The following PCDHGB3 variants were observed in gnomAD, a reference collection of about 807,000 sequenced individuals.
The protein encoded by PCDHGB3 is protocadherin gamma subfamily B, 3, also known as protocadherin gamma-B3.
PCDHGB3 carries 40 observed loss-of-function variants against 59.2 expected under a neutral mutation model. The ratio of observed to expected loss-of-function variants is 0.68; its 90% CI spans 0.52 to 0.88. The LOEUF (loss-of-function observed/expected upper bound fraction) is 0.88. Ranked by LOEUF, PCDHGB3 falls within the 40% of genes least tolerant of loss-of-function variation. The pLI is 0.00. For synonymous variants in PCDHGB3, 581 were observed against 503.6 expected (o/e 1.15, Z -2.06); for missense variants, 1,309 against 1,187.9 (o/e 1.10, Z -1.50).
chr5:141,400,709 G>A (rs1361669405), intron 1 of PCDHGB3: 1 of 696,272 alleles, frequency 1.4e-6, no homozygotes, highest in East Asian at 2.7e-5. Flanking sequence ...AAAAGAAGTA[G>A]CCTTATAGAT....
intron 1 of PCDHGB3, chr5:141,424,664 A>G (rs923488035): frequency 1.3e-5 from 2 of 152,124 alleles, no homozygotes; most frequent in African/African-American, 4.8e-5. Context: ...CTTTAATTAA[A>G]CTGATTTAGC....
In PCDHGB3 at chr5:141,370,291, A is replaced by C. The variant is rs1766798910; in HGVS notation, c.-104A>C. 8 of 1,049,850 alleles carry C rather than the reference A, an allele frequency of 7.6e-6. No homozygotes were observed. The highest frequency in any genetic ancestry group is 2.8e-5 in the Admixed American group (1 of 35,634). The allele number at this position is 1,049,850 out of a possible 1,614,324, so 65.0% of individuals were successfully genotyped here. On this transcript the variant is annotated 5_prime_UTR_variant, in exon 1 of 4. Transcript: ENST00000576222. ...GCGGAGACACCCATTAGAGAACCCA[A>C]GCACAAAGACAAAGCAAATAGTTGG...
In PCDHGB3 at chr5:141,431,932, C is replaced by A; in HGVS notation, c.2415+59123C>A. 1 of 1,614,172 alleles carries A rather than the reference C, an allele frequency of 6.2e-7. No homozygotes were observed. Among genetic ancestry groups the A allele is most frequent in the Non-Finnish European group, 8.5e-7 (1 of 1,180,002 alleles). The stretch of plus-strand genomic sequence containing the variant: ...TCTGTTTCATCCAAGGAAATCTGCC[C>A]TTTAAATTAGAAAAATCTTACGGAA... On this transcript the variant is annotated intron_variant, in intron 1 of 3. Transcript: ENST00000576222. The surrounding 1 kb of genome is among the most constrained non-coding windows in gnomAD (Gnocchi z 4.8).
rs373446844 is a variant in PCDHGB3, at chr5:141,486,661, G to A, written c.2416-8146G>A. The A allele has an allele frequency of 3.1e-6, 5 of 1,613,836 alleles. No individual in the cohort carries two copies. In the African/African-American group the frequency reaches 4.0e-5, roughly 13 times the overall value. On this transcript the variant is annotated intron_variant, in intron 1 of 3. Transcript: ENST00000576222. The surrounding 1 kb of genome is among the most constrained non-coding windows in gnomAD (Gnocchi z 5.0). The stretch of plus-strand genomic sequence containing the variant: ...CGCTTATCTCCTACTCACTCCTGGA[G>A]CCCAGGAATCGAGATGTATCAGCTT...
chr5:141,388,336 G>C, intron 1 of PCDHGB3: 2 of 1,613,966 alleles, frequency 1.2e-6, no homozygotes, highest in South Asian at 1.1e-5. Context: ...CCTGGCACAC[G>C]ATTTATATTA....
intron 1 of PCDHGB3, chr5:141,441,209 G>A (rs1276958461): frequency 1.3e-5 from 2 of 152,158 alleles, no homozygotes; most frequent in East Asian, 3.9e-4. Flanking sequence ...TCTGCACCTT[G>A]GACAGTAATC....
rs747064148 is a variant in PCDHGB3, at chr5:141,395,059, T to C, written c.2415+22250T>C. 1 of 1,614,180 alleles carries C rather than the reference T, an allele frequency of 6.2e-7. No individual in the cohort carries two copies. The stretch of plus-strand genomic sequence containing the variant: ...GTGGGTGTTGAGGAGGTACAGGCTT[T>C]CCTGCAGACCTATTCCCAGGAAGTC... On this transcript the variant is annotated intron_variant, in intron 1 of 3. Transcript: ENST00000576222.
intron 1 of PCDHGB3, chr5:141,384,872 T>C (rs773444317): frequency 1.9e-6 from 3 of 1,613,766 alleles, no homozygotes; most frequent in Non-Finnish European, 1.7e-6. Flanking sequence ...TCAGCCACCG[T>C]CACACTCACC....
At chr5:141,408,885 T>G in intron 1 of PCDHGB3, 1 of 1,613,020 alleles carries the variant, frequency 6.2e-7, no homozygotes, top group Middle Eastern at 1.6e-4. Context: ...ACCGCTCACA[T>G]AGAAATTTCT....
intron 1 of PCDHGB3, chr5:141,400,209 G>C: frequency 3.1e-6 from 5 of 1,614,052 alleles, no homozygotes; most frequent in Non-Finnish European, 4.2e-6. Context: ...CCTTGGCCTT[G>C]ATCTCAGTGC....
intron 1 of PCDHGB3, chr5:141,389,596 C>A: frequency 6.2e-7 from 1 of 1,613,132 alleles, no homozygotes; most frequent in Non-Finnish European, 8.5e-7. Context: ...GACGGCTCTG[C>A]GCTCTTCGAT....
intron 1 of PCDHGB3, among the ~76,000 whole-genome samples, chr5:141,438,623 TATATATATATATACACACAC>T (rs1272037524): frequency 7.0e-5 from 3 of 42,840 alleles, no homozygotes; most frequent in African/African-American, 1.6e-4. Flanking sequence ...TATATATATA[TATATATATATATACACACAC>T]ACACACACAT....
intron 1 of PCDHGB3, among the ~76,000 whole-genome samples, chr5:141,449,978 T>A (rs1025332419): frequency 6.6e-6 from 1 of 151,030 alleles, no homozygotes; most frequent in Non-Finnish European, 1.5e-5. Context: ...GTCCAAAATA[T>A]CACACATTGC....
chr5:141,458,408 C>T (rs895785923), intron 1 of PCDHGB3, among the ~76,000 whole-genome samples: 3 of 151,932 alleles, frequency 2.0e-5, no homozygotes, highest in Non-Finnish European at 2.9e-5. Context: ...AGAGACGGAG[C>T]GGGGGTTCCA....
intron 1 of PCDHGB3, chr5:141,407,930 C>G: frequency 2.0e-6 from 1 of 498,998 alleles, no homozygotes. Context: ...CGCACGGAGC[C>G]TCTGGGCGCC....
chr5:141,387,777 C>G, intron 1 of PCDHGB3: 1 of 1,453,750 alleles, frequency 6.9e-7, no homozygotes, highest in Non-Finnish European at 9.2e-7. Context: ...TTTTCTTGAA[C>G]TGGAACTGCA....
At chr5:141,480,726 G>A (rs2099524533) in intron 1 of PCDHGB3, among the ~76,000 whole-genome samples, 1 of 152,138 alleles carries the variant, frequency 6.6e-6, no homozygotes, top group Non-Finnish European at 1.5e-5. Context: ...CACAGTCTCT[G>A]GGGGTGGGAC....
chr5:141,484,907 C>T, intron 1 of PCDHGB3: 1 of 409,994 alleles, frequency 2.4e-6, no homozygotes, highest in Non-Finnish European at 4.3e-6. Context: ...AATGCTGCGA[C>T]GCATTAACCC....
chr5:141,375,522 A>C, intron 1 of PCDHGB3: 1 of 1,614,010 alleles, frequency 6.2e-7, no homozygotes, highest in Non-Finnish European at 8.5e-7. Flanking sequence ...CTGGACCCTG[A>C]CGTGGACCAG....
Sources: gnomAD v4.1 joint callset for allele counts (sites outside exome capture counted in the v4.1 genomes callset) on GRCh38, gnomAD v4.1.1 for gene constraint, Gnocchi (gnomAD v3.1) non-coding constraint, MANE v1.5 for transcripts, NCBI Gene and HGNC (gene_info 2026-07-23, HGNC 2026-07-21) for gene names.